Variants in UGGT2 observed in about 807,000 individuals in gnomAD.
UGGT2 encodes the protein UDP-glucose:glycoprotein glucosyltransferase 2.
In UGGT2, 180 loss-of-function variants were observed where a neutral mutation model predicts 192.1. The ratio of observed to expected loss-of-function variants is 0.94; its 90% CI spans 0.83 to 1.06. The LOEUF (loss-of-function observed/expected upper bound fraction) is 1.06. Among genes scored for constraint, UGGT2 ranks in the 50% least tolerant of loss-of-function variants. UGGT2 has a pLI of 0.00. For missense variants in UGGT2, 1,849 were observed against 1,795.7 expected, an observed-to-expected ratio of 1.03 and a Z score of -0.54; for synonymous variants, 580 against 591.0, an observed-to-expected ratio of 0.98 and a Z score of 0.27.
chr13:95,850,148 T>C (rs917359434), intron 36 of UGGT2, among the ~76,000 whole-genome samples: 1 of 152,204 alleles, frequency 6.6e-6, no homozygotes, highest in Non-Finnish European at 1.5e-5. Context: ...CTTAGTGCTA[T>C]AAATTTATTT....
intron 5 of UGGT2, among the ~76,000 whole-genome samples, chr13:96,011,688 T>C (rs530983610): frequency 3.9e-5 from 6 of 152,078 alleles, no homozygotes; most frequent in Admixed American, 6.5e-5. Context: ...TCCAAGTGAA[T>C]TGAAAACATA....
At chr13:95,871,239 A>G (rs115705966) in intron 29 of UGGT2, among the ~76,000 whole-genome samples, 1,972 of 152,332 alleles carry the variant, frequency 0.013, 44 homozygotes, top group African/African-American at 0.046. Flanking sequence ...TGAAACACCA[A>G]TGAGATAGCT....
At chr13:96,013,625 C>T in intron 4 of UGGT2, 144 bp from the exon 5 acceptor site, 1 of 541,068 alleles carries the variant, frequency 1.8e-6, no homozygotes, top group Non-Finnish European at 2.8e-6. Context: ...ACTTTGTACA[C>T]ATAACTTGAA....
At chr13:95,874,045 T>C (rs766712339) in intron 29 of UGGT2, among the ~76,000 whole-genome samples, 4 of 152,224 alleles carry the variant, frequency 2.6e-5, no homozygotes, top group Non-Finnish European at 2.9e-5. Context: ...ACTCCAGTAC[T>C]GGAACTCAAT....
chr13:95,838,657 C>T (rs1468921398), intron 36 of UGGT2, among the ~76,000 whole-genome samples: 1 of 152,080 alleles, frequency 6.6e-6, no homozygotes, highest in African/African-American at 2.4e-5. Flanking sequence ...ACTTTCTGCT[C>T]ATTTTTTTTG....
chr13:96,029,834 G>A (rs1254348520), intron 2 of UGGT2, among the ~76,000 whole-genome samples: 6 of 152,102 alleles, frequency 3.9e-5, no homozygotes, highest in African/African-American at 1.2e-4. Flanking sequence ...ATAAAAAATA[G>A]CACTGAATAA....
intron 4 of UGGT2, among the ~76,000 whole-genome samples, chr13:96,020,191 A>C (rs925185751): frequency 6.6e-6 from 1 of 152,316 alleles, no homozygotes. Flanking sequence ...AACTACGTGA[A>C]AATGTAAATG....
intron 7 of UGGT2, among the ~76,000 whole-genome samples, chr13:95,992,472 T>G (rs931651330): frequency 6.6e-6 from 1 of 152,218 alleles, no homozygotes; most frequent in Non-Finnish European, 1.5e-5. Context: ...ATTGCCTGCT[T>G]GTTTTGGCTC....
intron 38 of UGGT2, chr13:95,809,566 A>C: frequency 3.5e-6 from 1 of 282,260 alleles, no homozygotes; most frequent in Non-Finnish European, 7.2e-6. Context: ...CTCATGAGCT[A>C]CTCCTTCGCT....
Position 95,890,923 on chromosome 13 carries a change from T to C in UGGT2, c.2897A>G (p.Asn966Ser), listed in dbSNP as rs1159964958. The change falls in exon 25 of 39, where the codon AAT (asparagine) becomes AGT (serine). Residue 966 changes from asparagine to serine, a missense_variant. Transcript: ENST00000376747. ...TNPQENDMFF[N>S]VIAIVDPLTR... ...TAATGGATCAACAATAGCAATGACA[T>C]TGAAGAACATATCATTCTCTTGAGG... The C allele has an allele frequency of 3.1e-6, 5 of 1,612,750 alleles. No homozygotes were observed. Among genetic ancestry groups the C allele is most frequent in the Non-Finnish European group, 3.4e-6 (4 of 1,179,384 alleles).
chr13:95,948,419 T>C (rs954817137), intron 13 of UGGT2, among the ~76,000 whole-genome samples: 13 of 152,120 alleles, frequency 8.5e-5, no homozygotes, highest in Admixed American at 1.3e-4. Flanking sequence ...AGATTTTCTA[T>C]GATAAATTTT....
intron 2 of UGGT2, among the ~76,000 whole-genome samples, chr13:96,029,624 A>C (rs2052771883): frequency 6.6e-6 from 1 of 152,164 alleles, no homozygotes; most frequent in Non-Finnish European, 1.5e-5. Flanking sequence ...TTCAACCCTG[A>C]AAACACTTGA....
At chr13:95,987,151 C>T (rs1436263819) in intron 8 of UGGT2, among the ~76,000 whole-genome samples, 1 of 152,150 alleles carries the variant, frequency 6.6e-6, no homozygotes, top group Admixed American at 6.6e-5. Context: ...CTTACAATGA[C>T]TTTAAATCAA....
At chr13:95,993,992 G>T (rs576505656) in intron 7 of UGGT2, among the ~76,000 whole-genome samples, 19 of 152,030 alleles carry the variant, frequency 1.2e-4, no homozygotes, top group Non-Finnish European at 2.4e-4. Context: ...TTTAATTTTT[G>T]AAAGCTTACT....
At chr13:95,999,811 T>C (rs1299282468) in intron 5 of UGGT2, among the ~76,000 whole-genome samples, 2 of 152,192 alleles carry the variant, frequency 1.3e-5, no homozygotes, top group East Asian at 3.9e-4. Context: ...TGATAAAAGT[T>C]TTCTTTGTTT....
chr13:96,023,986 C>T (rs2052591938), intron 2 of UGGT2, among the ~76,000 whole-genome samples: 1 of 152,148 alleles, frequency 6.6e-6, no homozygotes. Context: ...TGAAAATAAT[C>T]TTGCCATTAA....
intron 20 of UGGT2, among the ~76,000 whole-genome samples, chr13:95,918,267 C>G (rs1346636497): frequency 6.6e-6 from 1 of 152,184 alleles, no homozygotes; most frequent in African/African-American, 2.4e-5. Flanking sequence ...GAACAACCTG[C>G]TCCTGAATGA....
At chr13:95,905,884 T>C (rs1352798325) in intron 20 of UGGT2, among the ~76,000 whole-genome samples, 2 of 152,186 alleles carry the variant, frequency 1.3e-5, no homozygotes, top group Non-Finnish European at 2.9e-5. Context: ...GAATCAATTT[T>C]TGTGTATGAC....
At chr13:95,846,866 A>G (rs1839517561) in intron 36 of UGGT2, among the ~76,000 whole-genome samples, 1 of 151,984 alleles carries the variant, frequency 6.6e-6, no homozygotes, top group Non-Finnish European at 1.5e-5. Context: ...TAGTCCCTTG[A>G]TTATTCTTTC....
Sources: gnomAD v4.1 joint callset for allele counts (sites outside exome capture counted in the v4.1 genomes callset) on GRCh38, gnomAD v4.1.1 for gene constraint, MANE v1.5 for transcripts, NCBI Gene and HGNC (gene_info 2026-07-23, HGNC 2026-07-21) for gene names.